AQP9: variants seen among roughly 807,000 people sequenced by gnomAD.
AQP9 encodes the protein aquaporin 9.
AQP9 carries 19 observed loss-of-function variants against 23.8 expected under a neutral mutation model. The ratio of observed to expected loss-of-function variants is 0.80; its 90% CI spans 0.56 to 1.17. The LOEUF (loss-of-function observed/expected upper bound fraction) is 1.17. AQP9 is among the 50% of genes most tolerant of loss of function. The probability of loss-of-function intolerance (pLI) is 0.00; values close to 1 mark genes in which losing one functional copy is unlikely to be tolerated. For synonymous variants in AQP9, 153 were observed against 131.5 expected (o/e 1.16, Z -1.12); for missense variants, 413 against 362.0 (o/e 1.14, Z -1.14).
At chr15:58,162,403 A>G (rs1898402388) in intron 1 of AQP9, among the ~76,000 whole-genome samples, 1 of 152,220 alleles carries the variant, frequency 6.6e-6, no homozygotes, top group African/African-American at 2.4e-5. Flanking sequence ...CAGAAATTAC[A>G]GGAAGGAAGC....
intron 1 of AQP9, chr15:58,153,408 T>C (rs1044955437): frequency 6.6e-6 from 1 of 152,142 alleles, no homozygotes; most frequent in African/African-American, 2.4e-5. Flanking sequence ...AAATAATCTA[T>C]GAATCCAAAC....
At chr15:58,157,431 T>G (rs536753055) in intron 1 of AQP9, among the ~76,000 whole-genome samples, 2 of 152,248 alleles carry the variant, frequency 1.3e-5, no homozygotes, top group Admixed American at 1.3e-4. Context: ...TTTTTTGACT[T>G]TAGCTAAATA....
At chr15:58,179,508 G>GATGT (rs1226079845) in intron 5 of AQP9, among the ~76,000 whole-genome samples, 163 bp downstream of exon 5, 2 of 74,354 alleles carry the variant, frequency 2.7e-5, no homozygotes, top group South Asian at 9.2e-4. Context: ...TTTGTGGTAT[G>GATGT]ATGTGTGTGT....
At chr15:58,151,974 C>A (rs1057363465) in intron 1 of AQP9, 1 of 152,112 alleles carries the variant, frequency 6.6e-6, no homozygotes, top group Non-Finnish European at 1.5e-5. Context: ...CTATGACAAA[C>A]GGACTTAAAA....
Position 58,138,575 on chromosome 15 carries a change from G to A in AQP9, c.10G>A (p.Glu4Lys). The change falls in exon 1 of 6, where the codon GAG becomes AAG. Residue 4 changes from glutamate (E) to lysine (K), a missense_variant. Transcript: ENST00000219919. The part of the protein sequence containing the change: MQP[E>K]GAEKGKSFKQ... ...TCAGAGAAGCCCCAAGATGCAGCCT[G>A]AGGGAGCAGAAAAGGGAAAAAGCTT... 6 of 1,613,806 alleles carry A rather than the reference G, an allele frequency of 3.7e-6. No homozygotes were observed. Among genetic ancestry groups the A allele is most frequent in the Non-Finnish European group, 5.1e-6 (6 of 1,179,784 alleles).
At chr15:58,170,297 C>T (rs1898592262) in intron 2 of AQP9, among the ~76,000 whole-genome samples, 1 of 152,164 alleles carries the variant, frequency 6.6e-6, no homozygotes, top group African/African-American at 2.4e-5. Flanking sequence ...TTCCTCATTG[C>T]TTTGCAAAGC....
At position 58,176,376 on chromosome 15, in the gene AQP9, T is replaced by C. The variant is rs575493633; in HGVS notation, c.495+1340T>C. Among the ~76,000 whole-genome samples, 125 of 152,016 alleles carry C rather than the reference T, an allele frequency of 8.2e-4. 1 individual carries two copies. The highest frequency in any genetic ancestry group is 7.4e-3 in the Admixed American group (113 of 15,278). On this transcript the variant is annotated intron_variant, in intron 4 of 5. Coordinates refer to ENST00000219919, the MANE Select transcript of AQP9 (RefSeq NM_020980.5). ...CTACCAAAAATACAAAAATTAGCCATGCGTGGTGGTGCTTGCATGTAGTCC... is the reference window on the plus strand; with the variant it reads ...CTACCAAAAATACAAAAATTAGCCACGCGTGGTGGTGCTTGCATGTAGTCC...
At chr15:58,170,354 C>T (rs1483121900) in intron 2 of AQP9, among the ~76,000 whole-genome samples, 2 of 152,092 alleles carry the variant, frequency 1.3e-5, no homozygotes, top group Non-Finnish European at 2.9e-5. Flanking sequence ...CTATTTTTCT[C>T]TGTAGATCAC....
At chr15:58,176,165 G>A (rs753131896) in intron 4 of AQP9, among the ~76,000 whole-genome samples, 1 of 152,172 alleles carries the variant, frequency 6.6e-6, no homozygotes, top group Non-Finnish European at 1.5e-5. Context: ...AGCAGTATCT[G>A]CCCAGAAATT....
chr15:58,170,198 C>A (rs570942275), intron 2 of AQP9, among the ~76,000 whole-genome samples: 2 of 152,242 alleles, frequency 1.3e-5, no homozygotes, highest in South Asian at 4.2e-4. Context: ...GGAGAAATTT[C>A]TAGCAGCCAC....
chr15:58,174,514 C>A (rs1310194290), intron 3 of AQP9, among the ~76,000 whole-genome samples: 1 of 152,166 alleles, frequency 6.6e-6, no homozygotes, highest in Non-Finnish European at 1.5e-5. Flanking sequence ...TATACTGCAA[C>A]ACCCTCAAAT....
intron 1 of AQP9, chr15:58,154,110 T>C (rs564072070): frequency 6.6e-6 from 1 of 152,252 alleles, no homozygotes; most frequent in South Asian, 2.1e-4. Context: ...TTATAACTAA[T>C]AACCTTAAGC....
chr15:58,180,084 A>G (rs1245912267), intron 5 of AQP9, among the ~76,000 whole-genome samples: 1 of 152,180 alleles, frequency 6.6e-6, no homozygotes, highest in African/African-American at 2.4e-5. Context: ...AAATACGCCA[A>G]CTGTTGGTAC....
At position 58,171,673 on chromosome 15, in the gene AQP9, CA is replaced by C. The variant is rs1566988753; in HGVS notation, c.239-1394del. Among the ~76,000 whole-genome samples the C allele has an allele frequency of 2.0e-5, 3 of 152,330 alleles. No homozygotes were observed. The East Asian group carries it at 5.8e-4, about 29-fold the overall frequency. On this transcript the variant is annotated intron_variant, in intron 2 of 5. Coordinates refer to ENST00000219919, the MANE Select transcript of AQP9 (RefSeq NM_020980.5). ...CTTGCTCATTGTAGCCACTGAGTGG[CA>C]GGGGCAGGTGAAGAAAGGACTCTTG...
At chr15:58,159,736 A>G (rs1346132541) in intron 1 of AQP9, among the ~76,000 whole-genome samples, 2 of 152,194 alleles carry the variant, frequency 1.3e-5, no homozygotes, top group African/African-American at 4.8e-5. Context: ...TAGCTCTCAC[A>G]TAAAAGTGAG....
intron 1 of AQP9, among the ~76,000 whole-genome samples, chr15:58,147,575 G>C (rs1898070235): frequency 1.3e-5 from 2 of 152,112 alleles, no homozygotes; most frequent in African/African-American, 4.8e-5. Flanking sequence ...TCAGTAGCTT[G>C]GCTGGTCATG....
chr15:58,164,924 C>T (rs555206316), intron 1 of AQP9, among the ~76,000 whole-genome samples: 2 of 152,284 alleles, frequency 1.3e-5, no homozygotes, highest in African/African-American at 4.8e-5. Context: ...TTAGACTCTT[C>T]CATTTTCAGC....
At chr15:58,140,657 C>T (rs1053456772) in intron 1 of AQP9, among the ~76,000 whole-genome samples, 1 of 152,102 alleles carries the variant, frequency 6.6e-6, no homozygotes, top group Non-Finnish European at 1.5e-5. Flanking sequence ...GTGCATTTTG[C>T]CTTGTATTTT....
intron 1 of AQP9, among the ~76,000 whole-genome samples, chr15:58,157,022 G>A (rs1183842683): frequency 6.6e-6 from 1 of 152,088 alleles, no homozygotes; most frequent in African/African-American, 2.4e-5. Flanking sequence ...ATATACGTGT[G>A]TACAAACACA....
Sources: allele counts gnomAD v4.1 joint callset (sites outside exome capture counted in the v4.1 genomes callset), GRCh38; gene constraint gnomAD v4.1.1; transcripts MANE v1.5; gene names NCBI Gene and HGNC (gene_info 2026-07-23, HGNC 2026-07-21).